The following EFNA1 variants were observed in gnomAD, a reference collection of about 807,000 sequenced individuals.
EFNA1 encodes ephrin A1.
A neutral mutation model predicts 23.2 loss-of-function variants in EFNA1; 8 were observed. The ratio of observed to expected loss-of-function variants is 0.34; its 90% CI spans 0.20 to 0.62. EFNA1 has a LOEUF of 0.62. Among genes scored for constraint, EFNA1 ranks in the 20% least tolerant of loss-of-function variants. The pLI is 0.75. For synonymous variants in EFNA1, 89 were observed against 98.6 expected, an observed-to-expected ratio of 0.90 and a Z score of 0.58; for missense variants, 217 against 260.0, an observed-to-expected ratio of 0.83 and a Z score of 1.14.
In EFNA1 at chr1:155,133,779, A is replaced by G; in HGVS notation, c.504A>G (p.Ala168=). 2 of 1,614,188 alleles carry G rather than the reference A, an allele frequency of 1.2e-6. No individual in the cohort carries two copies. The highest frequency in any genetic ancestry group is 1.7e-6 in the Non-Finnish European group (2 of 1,180,040). ...HDNPQEKRLA[A]DDPEVRVLHS... is the part of the protein sequence containing the mutation. ...ATCCACAGGAGAAGAGACTTGCAGC[A>G]GGTGGGTAGCTGGAGCAAACTGGGC... Residue 168 remains alanine, a splice_region_variant and synonymous_variant, in exon 4 of 5, where the codon GCA becomes GCG. Transcript: ENST00000368407.
rs200568335 is a variant in EFNA1, at chr1:155,133,495, T to C, written c.389-8T>C. ...TTCTTATTTAACCCCTGTGGGCTTA[T>C]CTTGCAGCCAAACCCATCCACCAGC... On this transcript the variant is annotated splice_region_variant and splice_polypyrimidine_tract_variant and intron_variant, in intron 2 of 4. Coordinates refer to ENST00000368407, the MANE Select transcript of EFNA1 (RefSeq NM_004428.3). 36 of 1,614,176 alleles carry C rather than the reference T, an allele frequency of 2.2e-5. 1 individual carries two copies. Among genetic ancestry groups the C allele is most frequent in the Middle Eastern group, 3.3e-4 (2 of 6,060 alleles).
In EFNA1 at chr1:155,128,665, C is replaced by T. The variant is rs189497019; in HGVS notation, c.92+596C>T. Among the ~76,000 whole-genome samples, 443 of 152,264 alleles carry T rather than the reference C, an allele frequency of 2.9e-3. 2 individuals carry two copies. The highest frequency in any genetic ancestry group is 6.9e-3 in the Admixed American group (106 of 15,296). On this transcript the variant is annotated intron_variant, in intron 1 of 4. Transcript: ENST00000368407. The stretch of plus-strand genomic sequence containing the variant: ...GTGCATGGGTAGGCTGAGGGAATCA[C>T]CTGTTTATGGGGCTCTCAAGTAGTA...
In EFNA1 at chr1:155,131,537, C is replaced by G; in HGVS notation, c.291C>G (p.Ala97=). 1 of 1,613,820 alleles carries G rather than the reference C, an allele frequency of 6.2e-7. No individual in the cohort carries two copies. Among genetic ancestry groups the G allele is most frequent in the South Asian group, 1.1e-5 (1 of 91,022 alleles). Residue 97 remains alanine (A), a synonymous_variant, in exon 2 of 5, where the codon GCC becomes GCG. Coordinates refer to ENST00000368407, the MANE Select transcript of EFNA1 (RefSeq NM_004428.3). ...QVRWQCNRPS[A]KHGPEKLSEK... is the part of the protein sequence containing the mutation. ...GCTGGCAGTGCAACCGGCCCAGTGC[C>G]AAGCATGGCCCGGAGAAGCTGTCTG...
At chr1:155,129,513 CCACACACACACACACACACACACACA>C (rs34899613) in intron 1 of EFNA1, 2 of 145,816 alleles carry the variant, frequency 1.4e-5, no homozygotes, top group Non-Finnish European at 3.0e-5. Flanking sequence ...GACCCTCTGG[CCACACACACACACACACACACACACA>C]CACACACACG....
At chr1:155,133,131 G>A (rs1664275118) in intron 2 of EFNA1, among the ~76,000 whole-genome samples, 2 of 151,978 alleles carry the variant, frequency 1.3e-5, no homozygotes, top group African/African-American at 2.4e-5. Context: ...GGCTGGTCTC[G>A]AACTCCTGAC....
chr1:155,129,551 A>ACACG (rs1336592127), intron 1 of EFNA1: 1 of 118,768 alleles, frequency 8.4e-6, no homozygotes, highest in African/African-American at 5.2e-5. Flanking sequence ...ACACACACGC[A>ACACG]CACCCTATCA....
intron 1 of EFNA1, chr1:155,129,816 C>G (rs1045184968): frequency 2.6e-5 from 4 of 152,494 alleles, no homozygotes; most frequent in African/African-American, 9.6e-5. Context: ...TTGGAGGACA[C>G]TGTTGGGGGT....
Position 155,131,777 on chromosome 1 carries a change from A to G in EFNA1, c.388+143A>G. The G allele has an allele frequency of 4.1e-6, 4 of 964,238 alleles. No homozygotes were observed. The South Asian group carries it at 5.1e-5, about 12-fold the overall frequency. 59.7% of individuals were successfully genotyped at this position (964,238 alleles called of 1,614,324 possible). A position where few individuals can be genotyped will look rare whatever the true frequency, so the allele number is the denominator to read the frequency against. ...TTTCATTCATCTACATCCCAATGTG[A>G]GTGAGCTTCTACTATGTGCTGGGCA... On this transcript the variant is annotated intron_variant, in intron 2 of 4. Transcript: ENST00000368407.
Position 155,127,948 on chromosome 1 carries a change from TC to T in EFNA1, c.-26del. The T allele has an allele frequency of 6.3e-7, 1 of 1,593,266 alleles. No individual in the cohort carries two copies. Among genetic ancestry groups the T allele is most frequent in the Non-Finnish European group, 8.6e-7 (1 of 1,165,148 alleles). On this transcript the variant is annotated 5_prime_UTR_variant, in exon 1 of 5. Transcript: ENST00000368407. This position sits in a 1 kb window ranked among gnomAD's most constrained non-coding sequence, Gnocchi z 4.4. ...AACCCAGACCCATAGGAGACCCGCG[TC>T]CCCGCTCGGCCTGGCCAGGCCCCGC...
chr1:155,133,152 G>A (rs1341655438), intron 2 of EFNA1, among the ~76,000 whole-genome samples: 4 of 151,976 alleles, frequency 2.6e-5, no homozygotes, highest in African/African-American at 9.7e-5. Flanking sequence ...CTCGTGATCC[G>A]CCCACCTCGG....
Position 155,134,797 on chromosome 1 carries a change from C to A in EFNA1, c.*730C>A, listed in dbSNP as rs1664343942. 6.5e-6 allele frequency: 1 copy of A among 153,602 alleles called. No homozygotes were observed. The highest frequency in any genetic ancestry group is 1.5e-5 in the Non-Finnish European group (1 of 68,938). 9.5% of individuals were successfully genotyped at this position (153,602 alleles called of 1,614,324 possible). On this transcript the variant is annotated 3_prime_UTR_variant, in exon 5 of 5. Transcript: ENST00000368407. ...TGCTGTGTGTCTGTCCTGATTTCTA[C>A]AACTGGAGTTTTTTTATACAATGTT...
chr1:155,131,716 C>T (rs927073410), intron 2 of EFNA1, 82 bp downstream of exon 2: 1 of 1,471,972 alleles, frequency 6.8e-7, no homozygotes, highest in South Asian at 1.3e-5. Context: ...GTGTAGAGTC[C>T]AGCAGCAGAG....
chr1:155,131,150 G>T, intron 1 of EFNA1, 189 bp from the exon 2 acceptor site: 1 of 1,371,404 alleles, frequency 7.3e-7, no homozygotes, highest in Non-Finnish European at 9.5e-7. Flanking sequence ...GATGGTGCAG[G>T]GGAATGTTTA....
chr1:155,131,063 CA>C lies in EFNA1; in HGVS notation c.93-275del, dbSNP rs545622874. The C allele has an allele frequency of 1.5e-4, 193 of 1,252,520 alleles. No homozygotes were observed. In the African/African-American group the frequency reaches 2.3e-3, roughly 15 times the overall value. 77.6% of individuals were successfully genotyped at this position (1,252,520 alleles called of 1,614,324 possible). On this transcript the variant is annotated intron_variant, in intron 1 of 4. Transcript: ENST00000368407. ...GCCCATCTAAATATCAGGTAAGTATCAGGGGGGTTATGGAAAATGCTTTGGT... is the reference window on the plus strand; with the variant it reads ...GCCCATCTAAATATCAGGTAAGTATCGGGGGGTTATGGAAAATGCTTTGGT...
chr1:155,130,336 A>C (rs1194758250), intron 1 of EFNA1, among the ~76,000 whole-genome samples: 1 of 152,056 alleles, frequency 6.6e-6, no homozygotes. Flanking sequence ...TTTTCCCCCT[A>C]CTGGGACCCC....
chr1:155,132,883 G>A (rs913236817), intron 2 of EFNA1, among the ~76,000 whole-genome samples: 4 of 150,360 alleles, frequency 2.7e-5, no homozygotes, highest in African/African-American at 7.3e-5. Flanking sequence ...GGACTCTGTC[G>A]GTGGGGGCTA....
At chr1:155,132,335 A>G (rs1371633960) in intron 2 of EFNA1, among the ~76,000 whole-genome samples, 1 of 151,612 alleles carries the variant, frequency 6.6e-6, no homozygotes, top group African/African-American at 2.4e-5. Flanking sequence ...TGCAACCTCT[A>G]CCTCTCGGAT....
rs762528977 is a variant in EFNA1 at position 155,128,043 on chromosome 1, C to T, written c.66C>T (p.Thr22=). 6 of 1,613,834 alleles carry T rather than the reference C, an allele frequency of 3.7e-6. No individual in the cohort carries two copies. Among genetic ancestry groups the T allele is most frequent in the Admixed American group, 3.3e-5 (2 of 60,028 alleles). ...GTCTGGCCGCTGCTGATCGCCACAC[C>T]GTCTTCTGGAACAGTTCAAATCCCA... ...CCSLAAADRH[T]VFWNSSNPKF... is the part of the protein sequence containing the mutation. Residue 22 remains threonine (T), a synonymous_variant, in exon 1 of 5, where the codon ACC becomes ACT. Transcript: ENST00000368407.
chr1:155,129,008 C>T (rs1350224695), intron 1 of EFNA1, among the ~76,000 whole-genome samples: 2 of 152,174 alleles, frequency 1.3e-5, no homozygotes, highest in Admixed American at 1.3e-4. Flanking sequence ...AAGCTTGCCC[C>T]CCACTCCCCT....
Sources: allele counts gnomAD v4.1 joint callset (sites outside exome capture counted in the v4.1 genomes callset), GRCh38; gene constraint gnomAD v4.1.1; non-coding constraint Gnocchi (gnomAD v3.1); transcripts MANE v1.5; gene names NCBI Gene and HGNC (gene_info 2026-07-23, HGNC 2026-07-21).